Variants in TCF12 observed in about 807,000 individuals in gnomAD.
The protein encoded by TCF12 is DNA-binding protein HTF4.
Under a neutral mutation model 86.0 loss-of-function variants are expected in TCF12, and 45 were observed. The observed-to-expected ratio is 0.52, with a 90% CI of 0.41 to 0.67. The LOEUF (loss-of-function observed/expected upper bound fraction) is 0.67, where lower values mean the gene tolerates loss of function less well. TCF12 is among the 30% of genes least tolerant of loss of function. TCF12 has a pLI of 0.00. For synonymous variants in TCF12, 330 were observed against 299.6 expected (o/e 1.10, Z -1.05); for missense variants, 881 against 859.9 (o/e 1.02, Z -0.31).
rs557550603 is a variant in TCF12 at position 57,136,496 on chromosome 15, G to A, written c.326-29906G>A. On this transcript the variant is annotated intron_variant, in intron 5 of 20. Transcript: ENST00000333725. ...AAGTCACAGCTTTTAACAGATCGACGTATATTTCTTATTTCTACATTCCAA... is the reference window on the plus strand; with the variant it reads ...AAGTCACAGCTTTTAACAGATCGACATATATTTCTTATTTCTACATTCCAA... Among the ~76,000 whole-genome samples, 548 of 152,172 alleles carry A rather than the reference G, an allele frequency of 3.6e-3. 1 individual carries two copies. Among genetic ancestry groups the A allele is most frequent in the Middle Eastern group, 6.8e-3 (2 of 294 alleles).
At chr15:57,171,086 C>T (rs2055456631) in intron 6 of TCF12, among the ~76,000 whole-genome samples, 1 of 151,564 alleles carries the variant, frequency 6.6e-6, no homozygotes, top group Non-Finnish European at 1.5e-5. Flanking sequence ...TATATGATTA[C>T]TGTTTAGCAA....
intron 6 of TCF12, among the ~76,000 whole-genome samples, chr15:57,174,330 C>T (rs1350316891): frequency 6.6e-6 from 1 of 151,984 alleles, no homozygotes; most frequent in Non-Finnish European, 1.5e-5. Flanking sequence ...TGATCATTTC[C>T]ATAGATACAG....
At chr15:56,932,390 A>G (rs946720565) in intron 3 of TCF12, among the ~76,000 whole-genome samples, 2 of 152,144 alleles carry the variant, frequency 1.3e-5, no homozygotes, top group Non-Finnish European at 2.9e-5. Flanking sequence ...CACTGATACC[A>G]ATCTACAAGA....
intron 6 of TCF12, among the ~76,000 whole-genome samples, chr15:57,180,030 C>A (rs1210114229): frequency 1.3e-5 from 2 of 152,180 alleles, no homozygotes; most frequent in Non-Finnish European, 2.9e-5. Context: ...GGATAGAATT[C>A]TTTAACAACA....
intron 3 of TCF12, among the ~76,000 whole-genome samples, chr15:56,922,523 G>A (rs1477958981): frequency 6.6e-6 from 1 of 151,966 alleles, no homozygotes; most frequent in Admixed American, 6.5e-5. Flanking sequence ...TATAAGCATG[G>A]CATTGGAGCA....
chr15:57,262,220 G>A lies in TCF12; in HGVS notation c.1582+12G>A. 1 of 1,557,894 alleles carries A rather than the reference G, an allele frequency of 6.4e-7. No homozygotes were observed. The highest frequency in any genetic ancestry group is 8.8e-7 in the Non-Finnish European group (1 of 1,136,434). On this transcript the variant is annotated intron_variant, in intron 17 of 20. Coordinates refer to ENST00000333725, the MANE Select transcript of TCF12 (RefSeq NM_207037.2). ...AGAAAATTATAGAGGTAACTATATT[G>A]TTGGTTTTCAGAAATAATGCAGACA...
rs1567394512 is a variant in TCF12 at position 57,087,081 on chromosome 15, GT to G, written c.223-4707del. Reference sequence around the variant, plus strand: ...CCTCTGTCTCCCTCTCTCTCCCTCTGTCTCCCTCTGTCTCCCTCTCTCTCCC... The same window carrying G: ...CCTCTGTCTCCCTCTCTCTCCCTCTGCTCCCTCTGTCTCCCTCTCTCTCCC... On this transcript the variant is annotated intron_variant, in intron 4 of 20. Coordinates refer to ENST00000333725, the MANE Select transcript of TCF12 (RefSeq NM_207037.2). Among the ~76,000 whole-genome samples the G allele has an allele frequency of 3.5e-3, 508 of 143,272 alleles. 4 individuals carry two copies. The highest frequency in any genetic ancestry group is 0.013 in the African/African-American group (483 of 37,568). The allele number at this position is 143,272 out of a possible 152,430, so 94.0% of individuals were successfully genotyped here.
At chr15:57,000,348 G>GT (rs11291698) in intron 3 of TCF12, among the ~76,000 whole-genome samples, 8 of 146,586 alleles carry the variant, frequency 5.5e-5, no homozygotes, top group Admixed American at 1.4e-4. Flanking sequence ...CCAGAAGTCT[G>GT]TTTTTTTTTT....
At chr15:57,118,457 T>A (rs1159690599) in intron 5 of TCF12, 1 of 151,320 alleles carries the variant, frequency 6.6e-6, no homozygotes, top group African/African-American at 2.4e-5. Context: ...ATTTGAAATA[T>A]CTTTTTTTTT....
At chr15:57,208,938 A>T (rs985545419) in intron 8 of TCF12, among the ~76,000 whole-genome samples, 7 of 151,356 alleles carry the variant, frequency 4.6e-5, no homozygotes, top group African/African-American at 1.5e-4. Flanking sequence ...TTGGTCTCAA[A>T]CTCCTGGCCT....
At chr15:57,200,413 T>C (rs1417033949) in intron 8 of TCF12, among the ~76,000 whole-genome samples, 1 of 152,104 alleles carries the variant, frequency 6.6e-6, no homozygotes, top group Admixed American at 6.6e-5. Context: ...AACTATAAAC[T>C]TTTGACATGC....
At chr15:57,200,298 T>C (rs541398937) in intron 8 of TCF12, among the ~76,000 whole-genome samples, 1 of 152,220 alleles carries the variant, frequency 6.6e-6, no homozygotes, top group Non-Finnish European at 1.5e-5. Flanking sequence ...AATGACAAAA[T>C]ATGTCCTAAG....
chr15:57,012,670 A>G (rs2064902781), intron 3 of TCF12, among the ~76,000 whole-genome samples: 1 of 152,178 alleles, frequency 6.6e-6, no homozygotes, highest in African/African-American at 2.4e-5. Context: ...ATCCTCGACT[A>G]AGTCCTCAGC....
At chr15:57,173,208 T>C (rs2055652467) in intron 6 of TCF12, among the ~76,000 whole-genome samples, 1 of 152,186 alleles carries the variant, frequency 6.6e-6, no homozygotes, top group African/African-American at 2.4e-5. Context: ...TATTTCTAAC[T>C]GAATAATAAT....
chr15:56,988,266 A>G (rs2063287917), intron 3 of TCF12, among the ~76,000 whole-genome samples: 1 of 152,200 alleles, frequency 6.6e-6, no homozygotes, highest in Admixed American at 6.5e-5. Context: ...TTGTACTTAC[A>G]TAAACCTAGG....
chr15:57,115,493 G>A (rs1239343518), intron 5 of TCF12, among the ~76,000 whole-genome samples: 2 of 152,080 alleles, frequency 1.3e-5, no homozygotes, highest in Non-Finnish European at 2.9e-5. Context: ...AAATACTTAG[G>A]ACCTGGTGAA....
At chr15:57,064,795 C>CT (rs2068728986) in intron 4 of TCF12, among the ~76,000 whole-genome samples, 1 of 78,118 alleles carries the variant, frequency 1.3e-5, no homozygotes, top group Non-Finnish European at 2.1e-5. Flanking sequence ...GACTCCATCT[C>CT]AAAAAAAAAA....
At chr15:57,283,604 G>A (rs1431091459) in intron 20 of TCF12, among the ~76,000 whole-genome samples, 2 of 152,154 alleles carry the variant, frequency 1.3e-5, no homozygotes, top group African/African-American at 2.4e-5. Context: ...GCAGTATGTA[G>A]TTTTTTTCCC....
intron 3 of TCF12, among the ~76,000 whole-genome samples, chr15:56,939,540 A>G (rs557037835): frequency 6.6e-5 from 10 of 152,168 alleles, no homozygotes; most frequent in Admixed American, 2.6e-4. Context: ...GTTGTTTACT[A>G]TATGTATATT....
Sources: gnomAD v4.1 joint callset for allele counts (sites outside exome capture counted in the v4.1 genomes callset) on GRCh38, gnomAD v4.1.1 for gene constraint, MANE v1.5 for transcripts, NCBI Gene and HGNC (gene_info 2026-07-23, HGNC 2026-07-21) for gene names.